ASIC2: variants seen among roughly 807,000 people sequenced by gnomAD.
ASIC2 encodes acid sensing ion channel subunit 2, also known as acid-sensing ion channel 2.
A neutral mutation model predicts 57.3 loss-of-function variants in ASIC2; 25 were observed. The observed-to-expected ratio is 0.44, with a 90% CI of 0.32 to 0.61. ASIC2 has a LOEUF of 0.61. Among genes scored for constraint, ASIC2 ranks in the 20% least tolerant of loss-of-function variants. The pLI, the probability that ASIC2 is intolerant of heterozygous loss-of-function variation, is 0.06. For missense variants in ASIC2, 641 were observed against 738.1 expected, an observed-to-expected ratio of 0.87 and a Z score of 1.52; for synonymous variants, 319 against 307.5, an observed-to-expected ratio of 1.04 and a Z score of -0.39.
intron 1 of ASIC2, among the ~76,000 whole-genome samples, chr17:33,926,521 G>C (rs1441819161): frequency 6.6e-6 from 1 of 152,180 alleles, no homozygotes; most frequent in Non-Finnish European, 1.5e-5. Context: ...AACAAAGTTT[G>C]TGTACACTGA....
At chr17:33,739,292 G>A (rs1255835818) in intron 1 of ASIC2, among the ~76,000 whole-genome samples, 2 of 152,204 alleles carry the variant, frequency 1.3e-5, no homozygotes, top group African/African-American at 2.4e-5. Context: ...AAAAAGAGGG[G>A]ATTTGAGTCC....
At chr17:34,034,766 C>A (rs1374873479) in intron 1 of ASIC2, among the ~76,000 whole-genome samples, 1 of 152,088 alleles carries the variant, frequency 6.6e-6, no homozygotes, top group African/African-American at 2.4e-5. Context: ...TTCACAATTG[C>A]TTCAAAGAGA....
At chr17:33,184,652 C>T (rs55716549) in intron 1 of ASIC2, among the ~76,000 whole-genome samples, 41,822 of 151,956 alleles carry the variant, frequency 0.28, 8,413 homozygotes, top group African/African-American at 0.55. Flanking sequence ...AGCCCCTCAA[C>T]TCCACTTCCA....
intron 1 of ASIC2, among the ~76,000 whole-genome samples, chr17:33,354,026 G>C (rs533040558): frequency 2.6e-5 from 4 of 152,286 alleles, no homozygotes; most frequent in Admixed American, 6.5e-5. Flanking sequence ...AGGAGCAAAG[G>C]CATGTCTTAC....
chr17:33,122,349 C>T (rs2092305841), intron 1 of ASIC2, among the ~76,000 whole-genome samples: 1 of 152,080 alleles, frequency 6.6e-6, no homozygotes, highest in African/African-American at 2.4e-5. Flanking sequence ...GTTCGATCAC[C>T]CATGACATGA....
At chr17:33,411,715 T>G (rs1475875412) in intron 1 of ASIC2, among the ~76,000 whole-genome samples, 1 of 152,202 alleles carries the variant, frequency 6.6e-6, no homozygotes, top group Non-Finnish European at 1.5e-5. Flanking sequence ...AGAGTCAGGC[T>G]TAAGGACCAG....
intron 1 of ASIC2, among the ~76,000 whole-genome samples, chr17:33,539,653 T>A (rs1276174081): frequency 6.6e-6 from 1 of 152,206 alleles, no homozygotes; most frequent in African/African-American, 2.4e-5. Flanking sequence ...TCATGGCTCG[T>A]GCAGCACGTT....
At chr17:34,135,566 C>G (rs1912103066) in intron 1 of ASIC2, among the ~76,000 whole-genome samples, 1 of 152,094 alleles carries the variant, frequency 6.6e-6, no homozygotes, top group South Asian at 2.1e-4. Flanking sequence ...TTACAGCTCC[C>G]CAGGTGATTC....
chr17:33,487,857 C>T (rs948848208), intron 1 of ASIC2, among the ~76,000 whole-genome samples: 2 of 152,208 alleles, frequency 1.3e-5, no homozygotes, highest in Admixed American at 6.5e-5. Context: ...CTTGGACCTA[C>T]ATCAGCGGTT....
intron 3 of ASIC2, among the ~76,000 whole-genome samples, chr17:33,035,847 G>A (rs2091906808): frequency 6.6e-6 from 1 of 152,194 alleles, no homozygotes; most frequent in Admixed American, 6.5e-5. Flanking sequence ...CTCCTCCTCT[G>A]TGGGTTCCTC....
chr17:33,562,102 C>T (rs942622115), intron 1 of ASIC2, among the ~76,000 whole-genome samples: 1 of 152,190 alleles, frequency 6.6e-6, no homozygotes. Flanking sequence ...CATTCAGAAC[C>T]ATCCTCCAAG....
At chr17:33,438,428 T>C (rs144039266) in intron 1 of ASIC2, among the ~76,000 whole-genome samples, 4 of 152,280 alleles carry the variant, frequency 2.6e-5, no homozygotes, top group Admixed American at 1.3e-4. Context: ...AGAACATCAA[T>C]CACTTCACAC....
intron 1 of ASIC2, among the ~76,000 whole-genome samples, chr17:33,658,185 A>G (rs949283795): frequency 1.3e-5 from 2 of 152,206 alleles, no homozygotes; most frequent in African/African-American, 4.8e-5. Flanking sequence ...AGCCCAGAGC[A>G]CAGTGAAAAG....
chr17:33,394,678 T>C (rs1051991222), intron 1 of ASIC2, among the ~76,000 whole-genome samples: 1 of 152,168 alleles, frequency 6.6e-6, no homozygotes, highest in Non-Finnish European at 1.5e-5. Context: ...TTGTGGACAG[T>C]GAGTGCCTCC....
intron 1 of ASIC2, among the ~76,000 whole-genome samples, chr17:34,108,398 AT>A (rs1238549735): frequency 6.6e-5 from 10 of 152,006 alleles, no homozygotes; most frequent in Non-Finnish European, 1.0e-4. Context: ...GTGATTTCTT[AT>A]TTGAACTATA....
intron 1 of ASIC2, among the ~76,000 whole-genome samples, chr17:33,373,881 T>C (rs1018894585): frequency 1.3e-5 from 2 of 152,220 alleles, no homozygotes; most frequent in African/African-American, 2.4e-5. Flanking sequence ...TTTTGCCATG[T>C]TGGCCAGACT....
intron 1 of ASIC2, among the ~76,000 whole-genome samples, chr17:33,353,919 A>C (rs142822372): frequency 6.6e-6 from 1 of 152,194 alleles, no homozygotes; most frequent in Non-Finnish European, 1.5e-5. Flanking sequence ...GAATAAAGAC[A>C]TACCTAAGAC....
intron 1 of ASIC2, among the ~76,000 whole-genome samples, chr17:33,540,430 T>C (rs553052269): frequency 6.6e-6 from 1 of 152,088 alleles, no homozygotes; most frequent in South Asian, 2.1e-4. Context: ...ACAATTCAAC[T>C]CATCACAGCA....
At chr17:33,638,293 C>T (rs988358211) in intron 1 of ASIC2, among the ~76,000 whole-genome samples, 1 of 152,166 alleles carries the variant, frequency 6.6e-6, no homozygotes, top group Non-Finnish European at 1.5e-5. Flanking sequence ...GGGCTAGTCT[C>T]ATCCTTGCTT....
Sources: allele counts gnomAD v4.1 joint callset (sites outside exome capture counted in the v4.1 genomes callset), GRCh38; gene constraint gnomAD v4.1.1; transcripts MANE v1.5; gene names NCBI Gene and HGNC (gene_info 2026-07-23, HGNC 2026-07-21).